Variants in SIPA1 observed in about 807,000 individuals in gnomAD.
The protein encoded by SIPA1 is signal-induced proliferation-associated protein 1.
In SIPA1, 51 loss-of-function variants were observed where a neutral mutation model predicts 88.1. The ratio of observed to expected loss-of-function variants is 0.58; its 90% CI spans 0.46 to 0.73. The LOEUF (loss-of-function observed/expected upper bound fraction) is 0.73. Among genes scored for constraint, SIPA1 ranks in the 30% least tolerant of loss-of-function variants. The pLI, the probability that SIPA1 is intolerant of heterozygous loss-of-function variation, is 0.00. For synonymous variants in SIPA1, 681 were observed against 664.8 expected (o/e 1.02, Z -0.37); for missense variants, 1,348 against 1,467.6 (o/e 0.92, Z 1.33).
At position 65,646,687 on chromosome 11, in the gene SIPA1, G is replaced by A. The variant is rs1242713824; in HGVS notation, c.1653G>A (p.Ser551=). 6.5e-7 allele frequency: 1 copy of A among 1,542,722 alleles called. No homozygotes were observed. Among genetic ancestry groups the A allele is most frequent in the East Asian group, 2.4e-5 (1 of 40,898 alleles). ...AGGTGACCACTACGTCGCTGGACTCGGCTTCACGCTTCGGCCTGCCCTCCC... is the reference window on the plus strand; with the variant it reads ...AGGTGACCACTACGTCGCTGGACTCAGCTTCACGCTTCGGCCTGCCCTCCC... ...TNEVTTTSLD[S]ASRFGLPSLG... The change falls in exon 8 of 16, where the codon TCG becomes TCA. Residue 551 remains serine, a synonymous_variant. Coordinates refer to ENST00000534313, the MANE Select transcript of SIPA1 (RefSeq NM_006747.4). This position sits in a 1 kb window ranked among gnomAD's most constrained non-coding sequence, Gnocchi z 7.5.
chr11:65,645,042 C>T lies in SIPA1; in HGVS notation c.1072C>T (p.Pro358Ser), dbSNP rs1050274865. ...EEMYNNQEAG[P>S]AFMQFLTLLG... ...GATGTACAACAACCAGGAGGCGGGACCGGCCTTCATGCAGTTTCTCACCTT... is the reference window on the plus strand; with the variant it reads ...GATGTACAACAACCAGGAGGCGGGATCGGCCTTCATGCAGTTTCTCACCTT... The change falls in exon 5 of 16, where the codon CCG becomes TCG. Residue 358 changes from proline (P) to serine (S), a missense_variant. Pro to Ser is a moderately conservative substitution (Grantham distance 74, BLOSUM62 -1). Transcript: ENST00000534313. 2 of 1,613,976 alleles carry T rather than the reference C, an allele frequency of 1.2e-6. No homozygotes were observed. Among genetic ancestry groups the T allele is most frequent in the African/African-American group, 1.3e-5 (1 of 74,926 alleles).
rs764188907 is a variant in SIPA1, at chr11:65,646,469, C to T, written c.1435C>T (p.Arg479Cys). 10 of 1,583,554 alleles carry T rather than the reference C, an allele frequency of 6.3e-6. No homozygotes were observed. Among genetic ancestry groups the T allele is most frequent in the Admixed American group, 3.4e-5 (2 of 58,372 alleles). Residue 479 changes from arginine (R) to cysteine (C), a missense_variant, in exon 8 of 16, where the codon CGC becomes TGC. Transcript: ENST00000534313. This position sits in a 1 kb window ranked among gnomAD's most constrained non-coding sequence, Gnocchi z 7.5. Reference protein sequence around the residue: ...PHTTYRVAVSRTQDTPAFGPA... With the variant: ...PHTTYRVAVSCTQDTPAFGPA... Reference sequence around the variant, plus strand: ...CCCTCCCCGCAGGGTGGCCGTGAGCCGCACCCAGGACACCCCTGCCTTCGG... The same window carrying T: ...CCCTCCCCGCAGGGTGGCCGTGAGCTGCACCCAGGACACCCCTGCCTTCGG...
chr11:65,650,175 T>G lies in SIPA1; in HGVS notation c.2886T>G (p.Thr962=), dbSNP rs1856234265. 6.2e-7 allele frequency: 1 copy of G among 1,613,824 alleles called. No homozygotes were observed. Among genetic ancestry groups the G allele is most frequent in the Non-Finnish European group, 8.5e-7 (1 of 1,179,984 alleles). Residue 962 remains threonine, a synonymous_variant, in exon 14 of 16, where the codon ACT becomes ACG. Coordinates refer to ENST00000534313, the MANE Select transcript of SIPA1 (RefSeq NM_006747.4). ...CAGAGAGTGGAGACCCTAAGGGAACTCCAAAATCTGATGCTGAGTAAGCTC... is the reference window on the plus strand; with the variant it reads ...CAGAGAGTGGAGACCCTAAGGGAACGCCAAAATCTGATGCTGAGTAAGCTC... ...PIPESGDPKG[T]PKSDAEPEPG...
At chr11:65,650,093 T>C (rs1319003006) in intron 13 of SIPA1, 42 bp downstream of exon 13, 8 of 1,611,746 alleles carry the variant, frequency 5.0e-6, no homozygotes, top group Admixed American at 1.7e-5. Flanking sequence ...GGCAGTGCTC[T>C]TGCCCCCTTT....
At position 65,650,743 on chromosome 11, in the gene SIPA1, G is replaced by C; in HGVS notation, c.*28G>C. On this transcript the variant is annotated 3_prime_UTR_variant, in exon 16 of 16. Coordinates refer to ENST00000534313, the MANE Select transcript of SIPA1 (RefSeq NM_006747.4). The stretch of plus-strand genomic sequence containing the variant: ...CGTCTGGAACCACCTGGGCCCCTGA[G>C]GGCACTGTGGTCACACTGGGCCCTC... The C allele has an allele frequency of 1.3e-6, 2 of 1,530,354 alleles. No homozygotes were observed. The highest frequency in any genetic ancestry group is 1.2e-5 in the South Asian group (1 of 82,058). The allele number at this position is 1,530,354 out of a possible 1,614,324, so 94.8% of individuals were successfully genotyped here. A position where few individuals can be genotyped will look rare whatever the true frequency, so the allele number is the denominator to read the frequency against.
At position 65,646,520 on chromosome 11, in the gene SIPA1, C is replaced by T. The variant is rs942467758; in HGVS notation, c.1486C>T (p.Pro496Ser). 3.2e-6 allele frequency: 5 copies of T among 1,569,808 alleles called. No individual in the cohort carries two copies. Among genetic ancestry groups the T allele is most frequent in the Non-Finnish European group, 4.3e-6 (5 of 1,164,756 alleles). Residue 496 changes from proline (P) to serine (S), a missense_variant, in exon 8 of 16, where the codon CCC becomes TCC. Coordinates refer to ENST00000534313, the MANE Select transcript of SIPA1 (RefSeq NM_006747.4). The surrounding 1 kb of genome is among the most constrained non-coding windows in gnomAD (Gnocchi z 7.5). The part of the protein sequence containing the change: ...FGPALPAGGG[P>S]FAANADFRAF... ...GCCAGCTCTGCCTGCTGGCGGAGGC[C>T]CCTTCGCAGCCAACGCCGACTTCCG...
rs1459212322 is a variant in SIPA1 at position 65,642,994 on chromosome 11, C to T, written c.984+355C>T. Reference sequence around the variant, plus strand: ...GCAATGGTGGAATCTCAGCTCACTGCAACCTCTGCCTTCCGGGTTCAAGAG... The same window carrying T: ...GCAATGGTGGAATCTCAGCTCACTGTAACCTCTGCCTTCCGGGTTCAAGAG... On this transcript the variant is annotated intron_variant, in intron 4 of 15. Transcript: ENST00000534313. The surrounding 1 kb of genome is among the most constrained non-coding windows in gnomAD (Gnocchi z 6.5). Among the ~76,000 whole-genome samples the T allele has an allele frequency of 1.3e-5, 2 of 152,108 alleles. No individual in the cohort carries two copies. The highest frequency in any genetic ancestry group is 2.4e-5 in the African/African-American group (1 of 41,398).
At position 65,647,803 on chromosome 11, in the gene SIPA1, TCTGAGC is replaced by T. The variant is rs943479265; in HGVS notation, c.2306+149_2306+154del. On this transcript the variant is annotated intron_variant, in intron 9 of 15. Coordinates refer to ENST00000534313, the MANE Select transcript of SIPA1 (RefSeq NM_006747.4). ...AAAGAATCTCCCGTCTCTTAGCCCG[TCTGAGC>T]CTGTCTCTTCCTGTCTCTGTCTCTC... The T allele has an allele frequency of 3.1e-5, 16 of 511,266 alleles. No individual in the cohort carries two copies. The Admixed American group carries it at 5.4e-4, about 17-fold the overall frequency. The allele number at this position is 511,266 out of a possible 1,614,324, so 31.7% of individuals were successfully genotyped here.
At chr11:65,647,774 CT>C in intron 9 of SIPA1, 116 bp downstream of exon 9, 1 of 808,242 alleles carries the variant, frequency 1.2e-6, no homozygotes. Flanking sequence ...ACCTTTCCTT[CT>C]GGAAAGAATC....
In SIPA1 at chr11:65,649,671, A is replaced by G; in HGVS notation, c.2636A>G (p.Gln879Arg). 1 of 1,614,080 alleles carries G rather than the reference A, an allele frequency of 6.2e-7. No homozygotes were observed. Among genetic ancestry groups the G allele is most frequent in the African/African-American group, 1.3e-5 (1 of 75,044 alleles). ...PSADSETPLT[Q>R]DRPGSPSGSE... ...GCTGACAGTGAGACACCCCTGACCC[A>G]GGTGAGCAGAAACCAGGCTCTGGAG... Residue 879 changes from glutamine to arginine, a missense_variant and splice_region_variant, in exon 11 of 16, where the codon CAG becomes CGG. This residue lies in a region of SIPA1 where 615 missense variants were observed against 559.8 expected (regional missense o/e 1.10). Coordinates refer to ENST00000534313, the MANE Select transcript of SIPA1 (RefSeq NM_006747.4).
chr11:65,649,893 A>AG, intron 12 of SIPA1, 28 bp downstream of exon 12: 1 of 1,613,092 alleles, frequency 6.2e-7, no homozygotes. Flanking sequence ...AGAGCAGGGG[A>AG]GGGGTTGGGG....
In SIPA1 at chr11:65,647,597, C is replaced by A; in HGVS notation, c.2245C>A (p.Arg749Ser). 7.2e-7 allele frequency: 1 copy of A among 1,393,434 alleles called. No individual in the cohort carries two copies. The highest frequency in any genetic ancestry group is 9.3e-7 in the Non-Finnish European group (1 of 1,076,930). The allele number at this position is 1,393,434 out of a possible 1,614,324, so 86.3% of individuals were successfully genotyped here. A position where few individuals can be genotyped will look rare whatever the true frequency, so the allele number is the denominator to read the frequency against. ...LRPEAAAQLL[R>S]SAPKVCVTVL... Reference sequence around the variant, plus strand: ...GCCCGAGGCCGCTGCCCAGCTCCTGCGCTCGGCGCCCAAGGTCTGCGTCAC... The same window carrying A: ...GCCCGAGGCCGCTGCCCAGCTCCTGAGCTCGGCGCCCAAGGTCTGCGTCAC... The change falls in exon 9 of 16, where the codon CGC becomes AGC. Residue 749 changes from arginine (R) to serine (S), a missense_variant. By Grantham distance (110) the Arg-to-Ser change is moderately radical. Around this residue, in one of 4 missense-constraint regions of SIPA1, gnomAD observed 615 missense variants for 559.8 expected, o/e 1.10. Coordinates refer to ENST00000534313, the MANE Select transcript of SIPA1 (RefSeq NM_006747.4).
intron 4 of SIPA1, among the ~76,000 whole-genome samples, chr11:65,644,425 G>A (rs901224464): frequency 2.6e-5 from 4 of 151,802 alleles, no homozygotes; most frequent in African/African-American, 7.3e-5. Context: ...GAATGAAATC[G>A]AAGTGGGGAC....
rs145227969 is a variant in SIPA1 at position 65,642,901 on chromosome 11, C to CTTTATTTATTTA, written c.984+282_984+293dup. On this transcript the variant is annotated intron_variant, in intron 4 of 15. Coordinates refer to ENST00000534313, the MANE Select transcript of SIPA1 (RefSeq NM_006747.4). This position sits in a 1 kb window ranked among gnomAD's most constrained non-coding sequence, Gnocchi z 6.5. ...CAGACCATCTGAATCAGAGTTTGCA[C>CTTTATTTATTTA]TTTATTTATTTATTTATTTATTTAT... 0.21 allele frequency among the ~76,000 whole-genome samples: 30,565 copies of CTTTATTTATTTA among 146,770 alleles called. 4,005 individuals carry two copies. The highest frequency in any genetic ancestry group is 0.5 in the East Asian group (2,467 of 4,972).
rs1051286980 is a variant in SIPA1, at chr11:65,641,447, G to C, written c.526G>C (p.Gly176Arg). ...VCELGGEGEL[G>R]LGGPASPPVP... ...TGAGCTCGGGGGTGAGGGTGAGCTAGGCCTGGGTGGACCAGCATCCCCACC... is the reference window on the plus strand; with the variant it reads ...TGAGCTCGGGGGTGAGGGTGAGCTACGCCTGGGTGGACCAGCATCCCCACC... The change falls in exon 2 of 16, where the codon GGC (glycine) becomes CGC (arginine). Residue 176 changes from glycine to arginine, a missense_variant. Gly to Arg is a moderately radical substitution (Grantham distance 125, BLOSUM62 -2). Coordinates refer to ENST00000534313, the MANE Select transcript of SIPA1 (RefSeq NM_006747.4). The C allele has an allele frequency of 3.1e-6, 5 of 1,612,310 alleles. No individual in the cohort carries two copies. The African/African-American group carries it at 6.7e-5, about 22-fold the overall frequency.
At position 65,642,299 on chromosome 11, in the gene SIPA1, G is replaced by A; in HGVS notation, c.729G>A (p.Val243=). Residue 243 remains valine, a synonymous_variant, in exon 3 of 16, where the codon GTG becomes GTA. Transcript: ENST00000534313. This position sits in a 1 kb window ranked among gnomAD's most constrained non-coding sequence, Gnocchi z 6.5. ...GMDESLGPVA[V]SLRREEKEGS... ...ACGAGTCGCTGGGCCCGGTGGCAGT[G>A]AGCCTGCGGCGGGAGGAGAAGGAGG... 2.6e-6 allele frequency: 4 copies of A among 1,556,284 alleles called. No individual in the cohort carries two copies. Among genetic ancestry groups the A allele is most frequent in the Non-Finnish European group, 3.5e-6 (4 of 1,152,232 alleles).
At position 65,650,537 on chromosome 11, in the gene SIPA1, C is replaced by A. The variant is rs376246324; in HGVS notation, c.2983-32C>A. 3.1e-6 allele frequency: 5 copies of A among 1,610,918 alleles called. No individual in the cohort carries two copies. In the Admixed American group the frequency reaches 6.7e-5, roughly 22 times the overall value. On this transcript the variant is annotated intron_variant, in intron 15 of 15. Coordinates refer to ENST00000534313, the MANE Select transcript of SIPA1 (RefSeq NM_006747.4). Reference sequence around the variant, plus strand: ...AGGGCTGCCCCAGGAAAGGGGCTGGCGGCTCTGACTCCTGTCTCCCCGGCA... The same window carrying A: ...AGGGCTGCCCCAGGAAAGGGGCTGGAGGCTCTGACTCCTGTCTCCCCGGCA...
chr11:65,650,177 C>G lies in SIPA1; in HGVS notation c.2888C>G (p.Pro963Arg). The G allele has an allele frequency of 6.2e-7, 1 of 1,614,110 alleles. No individual in the cohort carries two copies. The highest frequency in any genetic ancestry group is 8.5e-7 in the Non-Finnish European group (1 of 1,180,000). ...GAGAGTGGAGACCCTAAGGGAACTC[C>G]AAAATCTGATGCTGAGTAAGCTCCC... Reference protein sequence around the residue: ...IPESGDPKGTPKSDAEPEPGN... With the variant: ...IPESGDPKGTRKSDAEPEPGN... Residue 963 changes from proline (P) to arginine (R), a missense_variant, in exon 14 of 16, where the codon CCA becomes CGA. By Grantham distance (103) the Pro-to-Arg change is moderately radical (BLOSUM62 -2). Coordinates refer to ENST00000534313, the MANE Select transcript of SIPA1 (RefSeq NM_006747.4).
At chr11:65,643,477 G>A (rs1163743167) in intron 4 of SIPA1, among the ~76,000 whole-genome samples, 4 of 152,156 alleles carry the variant, frequency 2.6e-5, no homozygotes, top group Non-Finnish European at 5.9e-5. Context: ...AGACCTTTTT[G>A]GTGCCAGGCC....
Sources: allele counts gnomAD v4.1 joint callset (sites outside exome capture counted in the v4.1 genomes callset), GRCh38; gene constraint gnomAD v4.1.1; regional missense constraint gnomAD v4.1.1; non-coding constraint Gnocchi (gnomAD v3.1); transcripts MANE v1.5; gene names NCBI Gene and HGNC (gene_info 2026-07-23, HGNC 2026-07-21).